The following PBX3 variants were observed in gnomAD, a reference collection of about 807,000 sequenced individuals.
PBX3 encodes pre-B-cell leukemia transcription factor 3.
A neutral mutation model predicts 48.5 loss-of-function variants in PBX3; 14 were observed. The observed-to-expected ratio is 0.29, with a 90% CI of 0.19 to 0.45. The LOEUF is 0.45. Among genes scored for constraint, PBX3 ranks in the 20% least tolerant of loss-of-function variants. The pLI, the probability that PBX3 is intolerant of heterozygous loss-of-function variation, is 1.00. For missense variants in PBX3, 386 were observed against 546.7 expected (o/e 0.71, Z 2.93); for synonymous variants, 210 against 200.3 (o/e 1.05, Z -0.41).
chr9:125,919,359 ATT>A (rs34891465), intron 3 of PBX3, among the ~76,000 whole-genome samples: 3,105 of 102,770 alleles, frequency 0.03, 45 homozygotes, highest in African/African-American at 0.11. Flanking sequence ...TGCCCGTCTA[ATT>A]TTTTTTTTTT....
chr9:125,850,373 A>G (rs987247948), intron 2 of PBX3, among the ~76,000 whole-genome samples: 1 of 152,076 alleles, frequency 6.6e-6, no homozygotes, highest in African/African-American at 2.4e-5. Context: ...AAGCCAGTCC[A>G]TGGCATTTAG....
At chr9:125,943,765 G>A (rs1377311805) in intron 5 of PBX3, among the ~76,000 whole-genome samples, 1 of 152,188 alleles carries the variant, frequency 6.6e-6, no homozygotes, top group Non-Finnish European at 1.5e-5. Context: ...ACAATAGTGT[G>A]GGCAGAGTGT....
At chr9:125,787,839 G>T (rs12237298) in intron 2 of PBX3, among the ~76,000 whole-genome samples, 3,063 of 152,260 alleles carry the variant, frequency 0.02, 174 homozygotes, top group East Asian at 0.17. Flanking sequence ...TTTTATTTCA[G>T]AAATGAAGCA....
At chr9:125,821,299 T>C (rs562813601) in intron 2 of PBX3, among the ~76,000 whole-genome samples, 1 of 152,254 alleles carries the variant, frequency 6.6e-6, no homozygotes, top group Admixed American at 6.5e-5. Flanking sequence ...CAACCACAGA[T>C]ACTAGAGACT....
intron 2 of PBX3, among the ~76,000 whole-genome samples, chr9:125,771,438 TG>T (rs1399914636): frequency 6.6e-6 from 1 of 152,224 alleles, no homozygotes; most frequent in Non-Finnish European, 1.5e-5. Flanking sequence ...GTATGAATCA[TG>T]GACAAAGTTG....
At chr9:125,812,522 G>A (rs10986943) in intron 2 of PBX3, among the ~76,000 whole-genome samples, 9,009 of 152,244 alleles carry the variant, frequency 0.059, 608 homozygotes, top group East Asian at 0.17. Flanking sequence ...ATCAGCATGC[G>A]TTTTTACTAA....
chr9:125,927,858 G>A (rs879502243), intron 3 of PBX3, among the ~76,000 whole-genome samples: 12 of 152,074 alleles, frequency 7.9e-5, no homozygotes, highest in Non-Finnish European at 1.6e-4. Flanking sequence ...GGGCAACATA[G>A]CAAGACCCTG....
At chr9:125,867,490 A>G (rs1840010487) in intron 2 of PBX3, among the ~76,000 whole-genome samples, 1 of 151,948 alleles carries the variant, frequency 6.6e-6, no homozygotes, top group African/African-American at 2.4e-5. Flanking sequence ...AAATACAAAA[A>G]TTAGCTGGGC....
At chr9:125,832,433 G>A (rs1380999763) in intron 2 of PBX3, among the ~76,000 whole-genome samples, 1 of 152,144 alleles carries the variant, frequency 6.6e-6, no homozygotes, top group African/African-American at 2.4e-5. Flanking sequence ...CTTACCTCGT[G>A]ATCCACCCGC....
intron 2 of PBX3, among the ~76,000 whole-genome samples, chr9:125,913,565 C>G (rs944876251): frequency 1.3e-5 from 2 of 152,178 alleles, no homozygotes; most frequent in Non-Finnish European, 2.9e-5. Context: ...CCTTCTGTCT[C>G]TCTTATGGTG....
chr9:125,964,601 G>T (rs922619162), intron 8 of PBX3, among the ~76,000 whole-genome samples: 2 of 151,766 alleles, frequency 1.3e-5, no homozygotes, highest in African/African-American at 4.8e-5. Context: ...TTCCCTTAGG[G>T]TCTGGTCATC....
chr9:125,823,804 G>A (rs1202867997), intron 2 of PBX3, among the ~76,000 whole-genome samples: 3 of 152,132 alleles, frequency 2.0e-5, no homozygotes, highest in Non-Finnish European at 2.9e-5. Context: ...GGCTGGGCGC[G>A]GTGGCTCATG....
rs574224733 is a variant in PBX3, at chr9:125,827,425, T to C, written c.274+78802T>C. Among the ~76,000 whole-genome samples the C allele has an allele frequency of 1.9e-4, 29 of 152,266 alleles. No individual in the cohort carries two copies. The South Asian group carries it at 5.0e-3, about 26-fold the overall frequency. On this transcript the variant is annotated intron_variant, in intron 2 of 8. Transcript: ENST00000373489. The stretch of plus-strand genomic sequence containing the variant: ...GCTCACTAACTTCCCCACCCCAAAT[T>C]AGTACCTATTTATCTTATGGTTGGT...
chr9:125,804,664 C>T (rs560258707), intron 2 of PBX3, among the ~76,000 whole-genome samples: 95 of 152,142 alleles, frequency 6.2e-4, no homozygotes, highest in African/African-American at 2.0e-3. Context: ...GACAGGTGGG[C>T]GTGGTGGCTC....
At chr9:125,902,711 A>G (rs1216916706) in intron 2 of PBX3, among the ~76,000 whole-genome samples, 1 of 151,726 alleles carries the variant, frequency 6.6e-6, no homozygotes, top group Non-Finnish European at 1.5e-5. Flanking sequence ...TGCTATGTGC[A>G]ATAAGTTAAT....
intron 2 of PBX3, among the ~76,000 whole-genome samples, chr9:125,835,167 G>A (rs549539771): frequency 5.9e-5 from 9 of 151,716 alleles, no homozygotes; most frequent in African/African-American, 2.2e-4. Context: ...ACTACTTATT[G>A]AGTGTTTACT....
At chr9:125,899,564 G>A (rs1454573306) in intron 2 of PBX3, among the ~76,000 whole-genome samples, 2 of 149,908 alleles carry the variant, frequency 1.3e-5, no homozygotes, top group African/African-American at 2.4e-5. Flanking sequence ...AAATCAAACA[G>A]CTTCAAAATG....
Position 125,881,641 on chromosome 9 carries a change from C to T in PBX3, c.275-34045C>T, listed in dbSNP as rs529055503. Reference sequence around the variant, plus strand: ...TATTTTTAATTATTAAAAATAGAGACAGGGTCTTGCTCTGTGTCCAAGGCT... The same window carrying T: ...TATTTTTAATTATTAAAAATAGAGATAGGGTCTTGCTCTGTGTCCAAGGCT... On this transcript the variant is annotated intron_variant, in intron 2 of 8. Coordinates refer to ENST00000373489, the MANE Select transcript of PBX3 (RefSeq NM_006195.6). 3.3e-5 allele frequency among the ~76,000 whole-genome samples: 5 copies of T among 151,852 alleles called. No homozygotes were observed. In the South Asian group the frequency reaches 8.3e-4, roughly 25 times the overall value.
At chr9:125,887,052 T>C (rs947629135) in intron 2 of PBX3, among the ~76,000 whole-genome samples, 1 of 152,162 alleles carries the variant, frequency 6.6e-6, no homozygotes, top group Non-Finnish European at 1.5e-5. Flanking sequence ...CATGGAAGAA[T>C]CTCATTTTAA....
Sources: gnomAD v4.1 joint callset for allele counts (sites outside exome capture counted in the v4.1 genomes callset) on GRCh38, gnomAD v4.1.1 for gene constraint, MANE v1.5 for transcripts, NCBI Gene and HGNC (gene_info 2026-07-23, HGNC 2026-07-21) for gene names.